SCAI: variants seen among roughly 807,000 people sequenced by gnomAD.
SCAI encodes suppressor of cancer cell invasion, also known as protein SCAI.
Under a neutral mutation model 92.2 loss-of-function variants are expected in SCAI, and 24 were observed. The ratio of observed to expected loss-of-function variants is 0.26; its 90% confidence interval spans 0.19 to 0.37. SCAI has a LOEUF of 0.37. Ranked by LOEUF, SCAI falls within the 10% of genes least tolerant of loss-of-function variation. The pLI is 1.00. For missense variants in SCAI, 450 were observed against 736.2 expected (o/e 0.61, Z 4.50); for synonymous variants, 261 against 258.6 (o/e 1.01, Z -0.09).
chr9:125,124,240 G>A (rs187348577), intron 2 of SCAI, among the ~76,000 whole-genome samples: 1 of 152,294 alleles, frequency 6.6e-6, no homozygotes, highest in East Asian at 1.9e-4. Context: ...CAGAGAAACA[G>A]AATCAACAGG....
At chr9:125,003,719 A>C (rs1269379015) in intron 9 of SCAI, 149 bp from the exon 10 acceptor site, 7 of 599,908 alleles carry the variant, frequency 1.2e-5, no homozygotes, top group Non-Finnish European at 2.1e-5. Context: ...GAAATTTTCA[A>C]GCGATGGAAA....
At chr9:125,128,752 CA>C (rs879453478) in intron 2 of SCAI, among the ~76,000 whole-genome samples, 36 of 136,048 alleles carry the variant, frequency 2.6e-4, no homozygotes, top group Middle Eastern at 4.5e-3. Context: ...AACTCCGTCT[CA>C]AAAAAAAAAA....
intron 6 of SCAI, among the ~76,000 whole-genome samples, chr9:125,025,702 C>T (rs1002583707): frequency 2.6e-5 from 4 of 152,148 alleles, no homozygotes; most frequent in African/African-American, 9.7e-5. Flanking sequence ...AAAATGTACA[C>T]TCCAGCATCT....
At chr9:125,056,295 G>A (rs1833664467) in intron 2 of SCAI, among the ~76,000 whole-genome samples, 1 of 152,044 alleles carries the variant, frequency 6.6e-6, no homozygotes, top group African/African-American at 2.4e-5. Flanking sequence ...GAGAAAGCTT[G>A]TCTCTACTAA....
chr9:125,065,625 A>C (rs1833855903), intron 2 of SCAI, among the ~76,000 whole-genome samples: 1 of 152,224 alleles, frequency 6.6e-6, no homozygotes, highest in African/African-American at 2.4e-5. Context: ...CCTAACAGGG[A>C]TATTATAAGA....
At chr9:125,100,641 TA>T (rs1834658324) in intron 2 of SCAI, among the ~76,000 whole-genome samples, 1 of 152,050 alleles carries the variant, frequency 6.6e-6, no homozygotes, top group Non-Finnish European at 1.5e-5. Context: ...TTACCTCTAG[TA>T]GGGGGAGACA....
chr9:125,009,380 CTG>C (rs1327530771), intron 9 of SCAI, among the ~76,000 whole-genome samples: 1 of 152,186 alleles, frequency 6.6e-6, no homozygotes, highest in Non-Finnish European at 1.5e-5. Context: ...AGCAATTCTC[CTG>C]CCTCAGCCTC....
chr9:125,112,717 T>C (rs959613470), intron 2 of SCAI, among the ~76,000 whole-genome samples: 1 of 152,150 alleles, frequency 6.6e-6, no homozygotes, highest in African/African-American at 2.4e-5. Context: ...CATTCTCCAA[T>C]AAAAGGAATC....
rs759322366 is a variant in SCAI at position 125,029,739 on chromosome 9, T to C, written c.231A>G (p.Arg77=). Reference sequence around the variant, plus strand: ...GCTTCTGTCCATATTGTGGCAAATCTCTGTAATAGTAAATGAGTATGTATT... The same window carrying C: ...GCTTCTGTCCATATTGTGGCAAATCCCTGTAATAGTAAATGAGTATGTATT... ...DKSKQLFNGL[R]DLPQYGQKQW... is the part of the protein sequence containing the mutation. Residue 77 remains arginine (R), a splice_region_variant and synonymous_variant, in exon 4 of 18, where the codon AGA becomes AGG. Coordinates refer to ENST00000336505, the MANE Select transcript of SCAI (RefSeq NM_001144877.3). 8 of 1,577,826 alleles carry C rather than the reference T, an allele frequency of 5.1e-6. No homozygotes were observed. In the East Asian group the frequency reaches 1.3e-4, roughly 27 times the overall value.
At chr9:125,072,611 G>T (rs1834000886) in intron 2 of SCAI, among the ~76,000 whole-genome samples, 1 of 151,998 alleles carries the variant, frequency 6.6e-6, no homozygotes, top group Non-Finnish European at 1.5e-5. Context: ...CCATAGCATT[G>T]TATAGCCATC....
intron 2 of SCAI, among the ~76,000 whole-genome samples, chr9:125,123,366 A>C (rs1319799216): frequency 6.6e-6 from 1 of 152,038 alleles, no homozygotes; most frequent in Non-Finnish European, 1.5e-5. Context: ...CCAACTCAAA[A>C]AAAAAAAGGC....
chr9:124,965,983 G>A (rs1049613976), intron 17 of SCAI, among the ~76,000 whole-genome samples: 1 of 152,214 alleles, frequency 6.6e-6, no homozygotes, highest in Admixed American at 6.5e-5. Flanking sequence ...ATTCTAAGCA[G>A]TACTTGCAAC....
intron 2 of SCAI, among the ~76,000 whole-genome samples, chr9:125,136,039 A>C (rs1835518425): frequency 6.6e-6 from 1 of 151,950 alleles, no homozygotes; most frequent in South Asian, 2.1e-4. Flanking sequence ...CTACATATGT[A>C]ATATAACTGT....
At chr9:125,058,856 A>C (rs1016643464) in intron 2 of SCAI, among the ~76,000 whole-genome samples, 21 of 152,232 alleles carry the variant, frequency 1.4e-4, no homozygotes, top group Admixed American at 1.2e-3. Flanking sequence ...GGAATGCTAA[A>C]GAATGTCAAA....
chr9:125,107,341 G>A (rs987782101), intron 2 of SCAI, among the ~76,000 whole-genome samples: 3 of 151,344 alleles, frequency 2.0e-5, no homozygotes, highest in Non-Finnish European at 2.9e-5. Flanking sequence ...CCCAGGAGGC[G>A]GAGGTTGCAG....
chr9:125,102,842 C>G (rs928453391), intron 2 of SCAI, among the ~76,000 whole-genome samples: 1 of 152,108 alleles, frequency 6.6e-6, no homozygotes, highest in Non-Finnish European at 1.5e-5. Context: ...AGGTGATCCA[C>G]CCACCCCGGC....
Position 124,999,566 on chromosome 9 carries a change from T to C in SCAI, c.1244+325A>G, listed in dbSNP as rs1388932653. On this transcript the variant is annotated intron_variant, in intron 13 of 17. Coordinates refer to ENST00000336505, the MANE Select transcript of SCAI (RefSeq NM_001144877.3). Reference sequence around the variant, plus strand: ...TAAAAGTTCGTATTGATGTTACATGTATAATGTCCTGACATATTATTTATT... The same window carrying C: ...TAAAAGTTCGTATTGATGTTACATGCATAATGTCCTGACATATTATTTATT... Among the ~76,000 whole-genome samples the C allele has an allele frequency of 2.6e-5, 4 of 152,138 alleles. No individual in the cohort carries two copies. In the East Asian group the frequency reaches 7.7e-4, roughly 29 times the overall value.
rs1292065100 is a variant in SCAI, at chr9:125,143,432, G to A, written c.6C>T (p.Val2=). The change falls in exon 1 of 18, where the codon GTC becomes GTT. Residue 2 remains valine (V), a synonymous_variant. Transcript: ENST00000336505. The part of the protein sequence containing the change: M[V]RGARQPQQPR... ...GCTGCTGGGGCTGCCGGGCTCCTCT[G>A]ACCATCCGGCTCCTGCTCCGCCGCG... 2.2e-6 allele frequency: 3 copies of A among 1,393,620 alleles called. No homozygotes were observed. Among genetic ancestry groups the A allele is most frequent in the Non-Finnish European group, 1.9e-6 (2 of 1,071,606 alleles). 86.3% of individuals were successfully genotyped at this position (1,393,620 alleles called of 1,614,324 possible).
chr9:125,083,284 G>A (rs1189583544), intron 2 of SCAI, among the ~76,000 whole-genome samples: 1 of 152,094 alleles, frequency 6.6e-6, no homozygotes, highest in East Asian at 1.9e-4. Flanking sequence ...TTAGGAGGCT[G>A]GGGCAGGTGG....
Sources: allele counts gnomAD v4.1 joint callset (sites outside exome capture counted in the v4.1 genomes callset), GRCh38; gene constraint gnomAD v4.1.1; transcripts MANE v1.5; gene names NCBI Gene and HGNC (gene_info 2026-07-23, HGNC 2026-07-21).